Variants in SLC5A5 observed in about 807,000 individuals in gnomAD.
SLC5A5 encodes the protein solute carrier family 5 member 5.
A neutral mutation model predicts 68.6 loss-of-function variants in SLC5A5; 56 were observed. The ratio of observed to expected loss-of-function variants is 0.82; its 90% CI spans 0.66 to 1.02. SLC5A5 has a LOEUF of 1.02. SLC5A5 is among the 50% of genes least tolerant of loss of function. SLC5A5 has a pLI of 0.00. For missense variants in SLC5A5, 807 were observed against 859.8 expected (o/e 0.94, Z 0.77); for synonymous variants, 398 against 373.0 (o/e 1.07, Z -0.77).
Position 17,877,786 on chromosome 19 carries a change from G to A in SLC5A5, c.762G>A (p.Val254=), listed in dbSNP as rs2094310957. ...FWTFVVGGTL[V]WLSMYGVNQA... is the part of the protein sequence containing the mutation. ...CTTTTGTGGTGGGTGGCACGTTGGTGTGGCTCTCCATGTATGGCGTGAACC... is the reference window on the plus strand; with the variant it reads ...CTTTTGTGGTGGGTGGCACGTTGGTATGGCTCTCCATGTATGGCGTGAACC... The change falls in exon 6 of 15, where the codon GTG becomes GTA. Residue 254 remains valine, a synonymous_variant. Coordinates refer to ENST00000222248, the MANE Select transcript of SLC5A5 (RefSeq NM_000453.3). The A allele has an allele frequency of 6.2e-7, 1 of 1,614,152 alleles. No individual in the cohort carries two copies. The highest frequency in any genetic ancestry group is 1.3e-5 in the African/African-American group (1 of 74,950).
chr19:17,877,758 G>A lies in SLC5A5; in HGVS notation c.734G>A (p.Trp245Ter). The change falls in exon 6 of 15, where the codon TGG becomes TAG. Residue 245 changes from tryptophan to a stop codon, truncating the protein, a stop_gained. Transcript: ENST00000222248. LOFTEE classifies it high-confidence loss of function. Reference sequence around the variant, plus strand: ...GACCCGAGGAGCCGCTATACATTCTGGACTTTTGTGGTGGGTGGCACGTTG... The same window carrying A: ...GACCCGAGGAGCCGCTATACATTCTAGACTTTTGTGGTGGGTGGCACGTTG... ...NPDPRSRYTFWTFVVGGTLVW... is the reference protein window; with the variant it reads ...NPDPRSRYTF 1 of 1,614,256 alleles carries A rather than the reference G, an allele frequency of 6.2e-7. No individual in the cohort carries two copies. Among genetic ancestry groups the A allele is most frequent in the South Asian group, 1.1e-5 (1 of 91,086 alleles).
In SLC5A5 at chr19:17,888,623, C is replaced by T. The variant is rs868350690; in HGVS notation, c.1651+168C>T. ...TTATTATTATTATTATTATTATCAT[C>T]ATCATCATCATCATCATCATCATTT... On this transcript the variant is annotated intron_variant, in intron 13 of 14. Transcript: ENST00000222248. Among the ~76,000 whole-genome samples the T allele has an allele frequency of 3.0e-3, 385 of 128,244 alleles. 3 individuals carry two copies. Among genetic ancestry groups the T allele is most frequent in the African/African-American group, 0.012 (367 of 29,790 alleles). The allele number at this position is 128,244 out of a possible 152,430, so 84.1% of individuals were successfully genotyped here. A position where few individuals can be genotyped will look rare whatever the true frequency, so the allele number is the denominator to read the frequency against.
intron 7 of SLC5A5, among the ~76,000 whole-genome samples, chr19:17,879,327 C>CA (rs940410352): frequency 1.3e-5 from 2 of 152,014 alleles, no homozygotes; most frequent in Non-Finnish European, 2.9e-5. Flanking sequence ...AACAAACCCA[C>CA]AAAAACAAAA....
intron 5 of SLC5A5, among the ~76,000 whole-genome samples, chr19:17,876,465 T>C (rs2094307610): frequency 6.7e-6 from 1 of 149,126 alleles, no homozygotes; most frequent in Non-Finnish European, 1.5e-5. Context: ...CAGTGGTTCA[T>C]GCCTGTAATC....
chr19:17,888,288 G>T, intron 12 of SLC5A5, 43 bp from the exon 13 acceptor site: 1 of 1,611,400 alleles, frequency 6.2e-7, no homozygotes, highest in Non-Finnish European at 8.5e-7. Flanking sequence ...GTGCAGGCAG[G>T]GGATAAAAGA....
chr19:17,872,366 A>G lies in SLC5A5; in HGVS notation c.47A>G (p.Asp16Gly). 1.2e-5 allele frequency: 19 copies of G among 1,594,154 alleles called. No individual in the cohort carries two copies. The highest frequency in any genetic ancestry group is 1.6e-5 in the Non-Finnish European group (19 of 1,170,536). The change falls in exon 1 of 15, where the codon GAC becomes GGC. Residue 16 changes from aspartate to glycine, a missense_variant. Coordinates refer to ENST00000222248, the MANE Select transcript of SLC5A5 (RefSeq NM_000453.3). Reference protein sequence around the residue: ...TGERPTFGAWDYGVFALMLLV... With the variant: ...TGERPTFGAWGYGVFALMLLV... ...GAACGGCCCACCTTCGGAGCCTGGG[A>G]CTACGGGGTCTTTGCCCTCATGCTC... is the stretch of plus-strand genomic sequence containing the variant.
At position 17,892,652 on chromosome 19, in the gene SLC5A5, C is replaced by CAGAGAGAGAGAGAGAGAGAGAG. The variant is rs58081153; in HGVS notation, c.1768-1036_1768-1015dup. ...GACACTGTCAGAAAGAAAGAAAAGA[C>CAGAGAGAGAGAGAGAGAGAGAG]AGAGAGAGAGAGAGAGAGAGAGAGA... On this transcript the variant is annotated intron_variant, in intron 14 of 14. Transcript: ENST00000222248. Among the ~76,000 whole-genome samples the CAGAGAGAGAGAGAGAGAGAGAG allele has an allele frequency of 4.0e-4, 39 of 97,400 alleles. 1 individual carries two copies. The highest frequency in any genetic ancestry group is 1.4e-3 in the Admixed American group (11 of 7,862). The allele number at this position is 97,400 out of a possible 152,430, so 63.9% of individuals were successfully genotyped here. A position where few individuals can be genotyped will look rare whatever the true frequency, so the allele number is the denominator to read the frequency against.
At chr19:17,885,604 G>T (rs117776024) in intron 12 of SLC5A5, among the ~76,000 whole-genome samples, 5,130 of 151,698 alleles carry the variant, frequency 0.034, 167 homozygotes, top group East Asian at 0.17. Flanking sequence ...TGGTCTCAAA[G>T]TATTGGGCTC....
intron 7 of SLC5A5, among the ~76,000 whole-genome samples, 192 bp downstream of exon 7, chr19:17,878,285 A>G (rs1432230103): frequency 6.6e-6 from 1 of 151,876 alleles, no homozygotes; most frequent in Non-Finnish European, 1.5e-5. Context: ...CGGGTGGATC[A>G]CCTGAGGTCA....
In SLC5A5 at chr19:17,890,964, A is replaced by G. The variant is rs2030145765; in HGVS notation, c.1730A>G (p.Lys577Arg). ...CGGCAGACAGCATCAGTGGCCCCCA[A>G]GGAAGAAGTGGCCATCCTGGATGAC... ...LARQTASVAPKEEVAILDDNL... is the reference protein window; with the variant it reads ...LARQTASVAPREEVAILDDNL... Residue 577 changes from lysine to arginine, a missense_variant, in exon 14 of 15, where the codon AAG (lysine) becomes AGG (arginine). Transcript: ENST00000222248. The G allele has an allele frequency of 1.9e-6, 3 of 1,613,684 alleles. No homozygotes were observed. Among genetic ancestry groups the G allele is most frequent in the Admixed American group, 1.7e-5 (1 of 59,982 alleles).
chr19:17,876,877 A>C (rs1050722236), intron 5 of SLC5A5, among the ~76,000 whole-genome samples: 9 of 151,636 alleles, frequency 5.9e-5, no homozygotes, highest in Non-Finnish European at 8.8e-5. Context: ...AAAAAAAAAA[A>C]AAATTAGCAG....
At chr19:17,874,114 G>A (rs1277281025) in intron 1 of SLC5A5, 24 bp from the exon 2 acceptor site, 3 of 1,582,892 alleles carry the variant, frequency 1.9e-6, no homozygotes, top group Non-Finnish European at 2.6e-6. Context: ...GACTGTCCAG[G>A]TGACCTCGAG....
At chr19:17,892,529 C>T (rs560646159) in intron 14 of SLC5A5, among the ~76,000 whole-genome samples, 8 of 151,928 alleles carry the variant, frequency 5.3e-5, no homozygotes, top group South Asian at 4.2e-4. Context: ...TCCAGCTATT[C>T]GGAAGGCTGA....
In SLC5A5 at chr19:17,877,831, C is replaced by T. The variant is rs771186878; in HGVS notation, c.807C>T (p.Tyr269=). 6.2e-6 allele frequency: 10 copies of T among 1,614,136 alleles called. No individual in the cohort carries two copies. Among genetic ancestry groups the T allele is most frequent in the South Asian group, 1.1e-5 (1 of 91,096 alleles). ...TGAACCAGGCGCAGGTGCAGCGCTA[C>T]GTGGCTTGCCGCACAGAGAAGCAGG... ...YGVNQAQVQR[Y]VACRTEKQAK... The change falls in exon 6 of 15, where the codon TAC becomes TAT. Residue 269 remains tyrosine, a synonymous_variant. Coordinates refer to ENST00000222248, the MANE Select transcript of SLC5A5 (RefSeq NM_000453.3).
chr19:17,878,978 A>T (rs1215345378), intron 7 of SLC5A5, among the ~76,000 whole-genome samples: 1 of 147,606 alleles, frequency 6.8e-6, no homozygotes, highest in Non-Finnish European at 1.5e-5. Context: ...CCATCTCAAA[A>T]AAAAAAAAAA....
chr19:17,875,458 T>C (rs1429068250), intron 4 of SLC5A5, among the ~76,000 whole-genome samples: 1 of 151,908 alleles, frequency 6.6e-6, no homozygotes, highest in Non-Finnish European at 1.5e-5. Context: ...CAAATCTTTT[T>C]CACTTATTAA....
intron 5 of SLC5A5, among the ~76,000 whole-genome samples, chr19:17,877,010 A>G (rs1246164706): frequency 6.6e-6 from 1 of 151,838 alleles, no homozygotes; most frequent in African/African-American, 2.4e-5. Context: ...CAGCCTGGGC[A>G]ACAAGAGCGA....
At chr19:17,888,832 A>C (rs1430604144) in intron 13 of SLC5A5, among the ~76,000 whole-genome samples, 1 of 151,188 alleles carries the variant, frequency 6.6e-6, no homozygotes, top group Non-Finnish European at 1.5e-5. Flanking sequence ...GAGTTTCGCC[A>C]TGTGTCTCGA....
At chr19:17,876,242 C>A in intron 5 of SLC5A5, 136 bp downstream of exon 5, 2 of 868,422 alleles carry the variant, frequency 2.3e-6, no homozygotes, top group Non-Finnish European at 3.7e-6. Flanking sequence ...CCAGCCTGGG[C>A]AACATGGTGA....
Sources: gnomAD v4.1 joint callset for allele counts (sites outside exome capture counted in the v4.1 genomes callset) on GRCh38, gnomAD v4.1.1 for gene constraint, MANE v1.5 for transcripts, NCBI Gene and HGNC (gene_info 2026-07-23, HGNC 2026-07-21) for gene names.